CTNNA2: variants seen among roughly 807,000 people sequenced by gnomAD.
The protein encoded by CTNNA2 is catenin alpha 2.
In CTNNA2, 42 loss-of-function variants were observed where a neutral mutation model predicts 101.0. The ratio of observed to expected loss-of-function variants is 0.42; its 90% CI spans 0.32 to 0.54. CTNNA2 has a LOEUF of 0.54. CTNNA2 is among the 20% of genes least tolerant of loss of function. The pLI, the probability that CTNNA2 is intolerant of heterozygous loss-of-function variation, is 0.14. For missense variants in CTNNA2, 871 were observed against 1,223.1 expected (o/e 0.71, Z 4.29); for synonymous variants, 450 against 456.4 (o/e 0.99, Z 0.18).
At chr2:79,915,235 G>A (rs1426906273) in intron 7 of CTNNA2, among the ~76,000 whole-genome samples, 1 of 151,796 alleles carries the variant, frequency 6.6e-6, no homozygotes, top group Non-Finnish European at 1.5e-5. Flanking sequence ...CAAAATAACT[G>A]CTAATAATTT....
intron 7 of CTNNA2, among the ~76,000 whole-genome samples, chr2:80,147,289 T>A (rs1703407200): frequency 6.6e-6 from 1 of 151,936 alleles, no homozygotes; most frequent in South Asian, 2.1e-4. Context: ...TTTCGTACAG[T>A]TGGGGTTTCA....
chr2:80,250,421 C>T (rs1433193527), intron 7 of CTNNA2, among the ~76,000 whole-genome samples: 3 of 152,022 alleles, frequency 2.0e-5, no homozygotes, highest in African/African-American at 4.8e-5. Context: ...AGGGAGTAAA[C>T]GCAAAGATAG....
intron 4 of CTNNA2, among the ~76,000 whole-genome samples, chr2:79,393,203 A>G (rs765695861): frequency 6.6e-5 from 10 of 152,166 alleles, no homozygotes; most frequent in African/African-American, 9.7e-5. Flanking sequence ...ATGTGCATCA[A>G]AGGAGGCCAC....
chr2:79,619,519 A>G (rs1182428878), intron 1 of CTNNA2, among the ~76,000 whole-genome samples: 1 of 152,184 alleles, frequency 6.6e-6, no homozygotes, highest in Non-Finnish European at 1.5e-5. Flanking sequence ...TATTTTTGAA[A>G]CGGTGATTTT....
chr2:80,406,639 A>C (rs1281498081), intron 8 of CTNNA2, among the ~76,000 whole-genome samples: 1 of 151,998 alleles, frequency 6.6e-6, no homozygotes, highest in Non-Finnish European at 1.5e-5. Flanking sequence ...ATCGTGGCTA[A>C]CGCGGTGAAA....
chr2:80,091,394 A>T (rs1417751904), intron 7 of CTNNA2, among the ~76,000 whole-genome samples: 1 of 152,124 alleles, frequency 6.6e-6, no homozygotes, highest in Non-Finnish European at 1.5e-5. Context: ...GCAGGACCAG[A>T]TTCAGTTTTG....
intron 7 of CTNNA2, among the ~76,000 whole-genome samples, chr2:79,914,114 C>T (rs1686010160): frequency 6.8e-6 from 1 of 146,940 alleles, no homozygotes; most frequent in Non-Finnish European, 1.5e-5. Context: ...TTGCAGTGAG[C>T]CGAGATCCCG....
chr2:80,064,844 C>T (rs2148764786), intron 7 of CTNNA2, among the ~76,000 whole-genome samples: 1 of 152,260 alleles, frequency 6.6e-6, no homozygotes, highest in Non-Finnish European at 1.5e-5. Flanking sequence ...ATGAACTGTA[C>T]CTCTTAATGG....
At chr2:79,930,316 G>GAAAGAAAGAAAGAAAGAA (rs1687338801) in intron 7 of CTNNA2, among the ~76,000 whole-genome samples, 1 of 135,882 alleles carries the variant, frequency 7.4e-6, no homozygotes, top group African/African-American at 3.0e-5. Flanking sequence ...AAGAAAGAAA[G>GAAAGAAAGAAAGAAAGAA]AAAGAAAGAA....
intron 7 of CTNNA2, among the ~76,000 whole-genome samples, chr2:80,358,148 G>T (rs1216946302): frequency 6.6e-6 from 1 of 152,062 alleles, no homozygotes; most frequent in Admixed American, 6.6e-5. Context: ...ATTCACAGGA[G>T]CGATGTGAAA....
chr2:79,626,641 G>A (rs1312991058), intron 1 of CTNNA2, among the ~76,000 whole-genome samples: 1 of 146,214 alleles, frequency 6.8e-6, no homozygotes, highest in African/African-American at 2.5e-5. Flanking sequence ...GTGTGTGTGT[G>A]TGTGTGTGTG....
chr2:79,386,289 CT>C (rs1238741950), intron 4 of CTNNA2, among the ~76,000 whole-genome samples: 1 of 152,172 alleles, frequency 6.6e-6, no homozygotes, highest in Non-Finnish European at 1.5e-5. Flanking sequence ...ACTTTAACTG[CT>C]AAGTCAAAAT....
chr2:80,420,121 G>C (rs1306709777), intron 9 of CTNNA2, among the ~76,000 whole-genome samples: 1 of 151,202 alleles, frequency 6.6e-6, no homozygotes, highest in African/African-American at 2.4e-5. Context: ...GGCAGTACTA[G>C]GGTAAGTTAA....
chr2:79,980,779 A>G (rs1360433767), intron 7 of CTNNA2, among the ~76,000 whole-genome samples: 2 of 152,214 alleles, frequency 1.3e-5, no homozygotes, highest in Non-Finnish European at 2.9e-5. Context: ...TTAGAAATTA[A>G]TTTAGAAATA....
chr2:79,741,852 T>G (rs1671307961), intron 2 of CTNNA2, among the ~76,000 whole-genome samples: 1 of 152,216 alleles, frequency 6.6e-6, no homozygotes, highest in Non-Finnish European at 1.5e-5. Context: ...TCTAATTTAA[T>G]AGTTTGTCCT....
chr2:79,883,056 C>T (rs1280494031), intron 6 of CTNNA2, among the ~76,000 whole-genome samples: 1 of 152,248 alleles, frequency 6.6e-6, no homozygotes, highest in Non-Finnish European at 1.5e-5. Flanking sequence ...ACTTTGGTTG[C>T]GGTGAAGGAT....
chr2:79,342,431 A>G (rs922062955), intron 3 of CTNNA2, among the ~76,000 whole-genome samples: 8 of 152,156 alleles, frequency 5.3e-5, no homozygotes, highest in African/African-American at 1.7e-4. Flanking sequence ...AAAATGAATT[A>G]CACATTCTTC....
chr2:80,525,313 C>T (rs1228320998), intron 9 of CTNNA2, among the ~76,000 whole-genome samples: 3 of 152,016 alleles, frequency 2.0e-5, no homozygotes, highest in African/African-American at 7.2e-5. Flanking sequence ...GAATCCTTGC[C>T]TGGCAGCTGG....
At chr2:79,371,646 T>C (rs1038587089) in intron 3 of CTNNA2, among the ~76,000 whole-genome samples, 8 of 152,056 alleles carry the variant, frequency 5.3e-5, no homozygotes, top group Non-Finnish European at 1.0e-4. Flanking sequence ...AGGAGGAACA[T>C]GGTTAAAAAT....
Sources: gnomAD v4.1 joint callset for allele counts (sites outside exome capture counted in the v4.1 genomes callset) on GRCh38, gnomAD v4.1.1 for gene constraint, MANE v1.5 for transcripts, NCBI Gene and HGNC (gene_info 2026-07-23, HGNC 2026-07-21) for gene names.